The following GRIK3 variants were observed in gnomAD, a reference collection of about 807,000 sequenced individuals.
The protein encoded by GRIK3 is glutamate receptor ionotropic, kainate 3.
GRIK3 carries 29 observed loss-of-function variants against 102.5 expected under a neutral mutation model. That is an observed-to-expected ratio of 0.28 (90% CI 0.21 to 0.39). The LOEUF (loss-of-function observed/expected upper bound fraction) is 0.39, where lower values mean the gene tolerates loss of function less well. GRIK3 is among the 10% of genes least tolerant of loss of function. GRIK3 has a pLI of 1.00. For synonymous variants in GRIK3, 511 were observed against 504.9 expected (o/e 1.01, Z -0.16); for missense variants, 908 against 1,252.4 (o/e 0.73, Z 4.15).
At chr1:36,838,135 C>T (rs926133304) in intron 10 of GRIK3, among the ~76,000 whole-genome samples, 8 of 152,326 alleles carry the variant, frequency 5.3e-5, no homozygotes, top group African/African-American at 1.9e-4. Flanking sequence ...TTACTGAGCA[C>T]TGGGAACTTG....
intron 1 of GRIK3, 137 bp downstream of exon 1, chr1:37,033,857 G>A: frequency 3.8e-6 from 2 of 519,880 alleles, no homozygotes; most frequent in Non-Finnish European, 3.4e-6. Context: ...CTCACAGGGA[G>A]GAGCTCCTGG....
chr1:36,938,296 C>T (rs150976358), intron 1 of GRIK3, among the ~76,000 whole-genome samples: 57 of 152,284 alleles, frequency 3.7e-4, no homozygotes, highest in Admixed American at 1.7e-3. Context: ...GGAGGTAGGA[C>T]CCGTTCCAGG....
intron 2 of GRIK3, among the ~76,000 whole-genome samples, chr1:36,883,931 A>G (rs140727588): frequency 6.6e-6 from 1 of 152,344 alleles, no homozygotes; most frequent in East Asian, 1.9e-4. Context: ...TGAAATCTGT[A>G]CTTCTACCAG....
At chr1:36,809,137 C>T (rs552674032) in intron 13 of GRIK3, among the ~76,000 whole-genome samples, 5 of 151,962 alleles carry the variant, frequency 3.3e-5, no homozygotes, top group Admixed American at 1.3e-4. Context: ...ATCTATCCTT[C>T]CAATTACCCA....
chr1:36,827,106 A>C (rs1642763857), intron 10 of GRIK3, among the ~76,000 whole-genome samples: 2 of 152,124 alleles, frequency 1.3e-5, no homozygotes, highest in Admixed American at 1.3e-4. Flanking sequence ...CTCCATCTCT[A>C]AACTTCCATG....
At chr1:36,941,555 AG>A (rs779570004) in intron 1 of GRIK3, among the ~76,000 whole-genome samples, 2 of 151,746 alleles carry the variant, frequency 1.3e-5, no homozygotes, top group African/African-American at 2.4e-5. Context: ...AGTGGGGTGG[AG>A]GGGGGGAGTG....
chr1:37,021,615 C>T (rs1042415718), intron 1 of GRIK3, among the ~76,000 whole-genome samples: 3 of 152,178 alleles, frequency 2.0e-5, no homozygotes, highest in African/African-American at 4.8e-5. Context: ...GTAAAATAGA[C>T]GGCTGTCACC....
chr1:37,009,807 G>T (rs1642570312), intron 1 of GRIK3, among the ~76,000 whole-genome samples: 1 of 152,168 alleles, frequency 6.6e-6, no homozygotes, highest in Non-Finnish European at 1.5e-5. Context: ...AGGGACTTGG[G>T]CAATCGTGGT....
At chr1:37,007,937 C>T (rs1642549724) in intron 1 of GRIK3, among the ~76,000 whole-genome samples, 1 of 152,220 alleles carries the variant, frequency 6.6e-6, no homozygotes, top group Admixed American at 6.5e-5. Flanking sequence ...ACCGCCTGTG[C>T]TGAGGGCTCG....
intron 1 of GRIK3, among the ~76,000 whole-genome samples, chr1:36,891,809 C>T (rs1418864476): frequency 2.6e-5 from 4 of 152,092 alleles, no homozygotes; most frequent in African/African-American, 9.7e-5. Context: ...TATAAAAACC[C>T]TTAAAATAAT....
chr1:36,855,422 A>G (rs1640640026), intron 7 of GRIK3, among the ~76,000 whole-genome samples: 1 of 152,236 alleles, frequency 6.6e-6, no homozygotes, highest in Admixed American at 6.5e-5. Flanking sequence ...ACCCTTAGAC[A>G]TCTCCAAGCA....
intron 1 of GRIK3, among the ~76,000 whole-genome samples, chr1:36,911,993 G>C (rs985466225): frequency 2.0e-5 from 3 of 152,100 alleles, no homozygotes; most frequent in Non-Finnish European, 4.4e-5. Flanking sequence ...AACTCCCTTA[G>C]CCTGGTGTTT....
chr1:36,854,079 G>C (rs899751417), intron 7 of GRIK3, among the ~76,000 whole-genome samples: 3 of 152,318 alleles, frequency 2.0e-5, no homozygotes, highest in Admixed American at 2.0e-4. Flanking sequence ...GGCCTGCCAA[G>C]AAGCAGAAAA....
intron 11 of GRIK3, among the ~76,000 whole-genome samples, 169 bp downstream of exon 11, chr1:36,825,434 G>A (rs1317908330): frequency 6.6e-6 from 1 of 152,188 alleles, no homozygotes; most frequent in Non-Finnish European, 1.5e-5. Flanking sequence ...GGCATGGAAT[G>A]TTCCTTGAGG....
rs1192474318 is a variant in GRIK3 at position 36,921,620 on chromosome 1, T to C, written c.116-30524A>G. Among the ~76,000 whole-genome samples, 7 of 152,316 alleles carry C rather than the reference T, an allele frequency of 4.6e-5. No homozygotes were observed. The East Asian group carries it at 1.3e-3, about 29-fold the overall frequency. ...TTTCATTGATTTCAAATCACACTTT[T>C]TTTTTTCACATTTTAACATCCCTGA... On this transcript the variant is annotated intron_variant, in intron 1 of 15. Coordinates refer to ENST00000373091, the MANE Select transcript of GRIK3 (RefSeq NM_000831.4).
chr1:37,010,754 A>C (rs1335437524), intron 1 of GRIK3, among the ~76,000 whole-genome samples: 1 of 75,214 alleles, frequency 1.3e-5, no homozygotes, highest in Non-Finnish European at 2.4e-5. Flanking sequence ...TTTTTTTTTG[A>C]GATGGAGTCT....
intron 13 of GRIK3, among the ~76,000 whole-genome samples, chr1:36,809,988 T>TAGAATGGTCCCCACTGTCCTTG (rs1553173523): frequency 6.6e-6 from 1 of 152,178 alleles, no homozygotes; most frequent in East Asian, 1.9e-4. Context: ...TCTGCTTTCC[T>TAGAATGGTCCCCACTGTCCTTG]AGAATGGTCC....
At chr1:36,890,168 G>A (rs187900245) in intron 2 of GRIK3, among the ~76,000 whole-genome samples, 91 of 152,186 alleles carry the variant, frequency 6.0e-4, no homozygotes, top group Middle Eastern at 3.4e-3. Flanking sequence ...CAGCAGAGTG[G>A]CCTCAAAAAT....
At chr1:36,831,289 G>A (rs1033999041) in intron 10 of GRIK3, among the ~76,000 whole-genome samples, 4 of 152,166 alleles carry the variant, frequency 2.6e-5, no homozygotes, top group Non-Finnish European at 2.9e-5. Context: ...TATACTTCAC[G>A]TTGCCTGGCT....
Sources: gnomAD v4.1 joint callset for allele counts (sites outside exome capture counted in the v4.1 genomes callset) on GRCh38, gnomAD v4.1.1 for gene constraint, MANE v1.5 for transcripts, NCBI Gene and HGNC (gene_info 2026-07-23, HGNC 2026-07-21) for gene names.